The following MAST4 variants were observed in gnomAD, a reference collection of about 807,000 sequenced individuals.
The protein encoded by MAST4 is microtubule-associated serine/threonine-protein kinase 4.
Under a neutral mutation model 162.7 loss-of-function variants are expected in MAST4, and 89 were observed. That is an observed-to-expected ratio of 0.55 (90% CI 0.46 to 0.65). The LOEUF is 0.65. Among genes scored for constraint, MAST4 ranks in the 30% least tolerant of loss-of-function variants. The pLI, the probability that MAST4 is intolerant of heterozygous loss-of-function variation, is 0.00. For synonymous variants in MAST4, 1,479 were observed against 1,361.1 expected (o/e 1.09, Z -1.91); for missense variants, 3,153 against 3,374.0 (o/e 0.93, Z 1.62).
At chr5:67,115,166 A>G (rs1766736593) in intron 12 of MAST4, 1 of 152,108 alleles carries the variant, frequency 6.6e-6, no homozygotes, top group African/African-American at 2.4e-5. Context: ...ATATTGGTAA[A>G]CCACTCCCCC....
At chr5:66,900,631 A>G (rs1762949724) in intron 4 of MAST4, among the ~76,000 whole-genome samples, 1 of 152,138 alleles carries the variant, frequency 6.6e-6, no homozygotes. Flanking sequence ...TTTGTTATCC[A>G]ATAGTACTGT....
At chr5:66,916,929 A>G (rs1050421999) in intron 4 of MAST4, 2 of 715,748 alleles carry the variant, frequency 2.8e-6, no homozygotes, top group South Asian at 1.5e-5. Context: ...CAGTGCTGCA[A>G]TAAACAATTT....
intron 5 of MAST4, among the ~76,000 whole-genome samples, chr5:67,066,509 A>G (rs908591064): frequency 1.3e-5 from 2 of 151,750 alleles, no homozygotes; most frequent in Non-Finnish European, 2.9e-5. Flanking sequence ...TTCTTTTAGC[A>G]TTATGTTTTG....
At chr5:66,844,495 G>A (rs920945185) in intron 3 of MAST4, among the ~76,000 whole-genome samples, 1 of 152,016 alleles carries the variant, frequency 6.6e-6, no homozygotes, top group East Asian at 1.9e-4. Flanking sequence ...GCTCTATGGG[G>A]TCATCATTGG....
At chr5:67,037,581 A>C (rs2150468841) in intron 4 of MAST4, among the ~76,000 whole-genome samples, 1 of 152,358 alleles carries the variant, frequency 6.6e-6, no homozygotes, top group Middle Eastern at 3.4e-3. Flanking sequence ...AAACATTTAA[A>C]AAATATCAGG....
intron 3 of MAST4, among the ~76,000 whole-genome samples, chr5:66,875,893 C>G (rs1184828183): frequency 6.6e-6 from 1 of 152,170 alleles, no homozygotes; most frequent in Non-Finnish European, 1.5e-5. Context: ...TCCCAGGTAG[C>G]TAGGACTACA....
intron 4 of MAST4, among the ~76,000 whole-genome samples, chr5:66,943,648 A>G (rs988077214): frequency 6.6e-6 from 1 of 152,114 alleles, no homozygotes; most frequent in Non-Finnish European, 1.5e-5. Context: ...ATTATTACTA[A>G]TAGTACTTAA....
At chr5:66,788,606 C>CCCCACCAAAAA in intron 2 of MAST4, 64 bp from the exon 3 acceptor site, 1 of 1,356,384 alleles carries the variant, frequency 7.4e-7, no homozygotes, top group African/African-American at 1.5e-5. Flanking sequence ...ACCCCCACCC[C>CCCCACCAAAAA]CATTGCAATA....
chr5:66,747,546 T>A (rs1204401111), intron 1 of MAST4, among the ~76,000 whole-genome samples: 1 of 152,218 alleles, frequency 6.6e-6, no homozygotes, highest in Non-Finnish European at 1.5e-5. Context: ...CAGCAAATTA[T>A]TTGCTTACCA....
At chr5:66,748,321 T>C (rs945677249) in intron 1 of MAST4, among the ~76,000 whole-genome samples, 54 of 151,936 alleles carry the variant, frequency 3.6e-4, no homozygotes, top group African/African-American at 1.2e-3. Context: ...AAGGATGCTA[T>C]GCAATATAGG....
intron 10 of MAST4, among the ~76,000 whole-genome samples, chr5:67,105,013 A>G (rs1765440332): frequency 1.3e-5 from 2 of 152,206 alleles, no homozygotes; most frequent in Admixed American, 1.3e-4. Context: ...TGTGGTGTTG[A>G]GTAGTGAATG....
chr5:66,886,263 T>C (rs1039276342), intron 3 of MAST4, among the ~76,000 whole-genome samples: 34 of 152,352 alleles, frequency 2.2e-4, no homozygotes, highest in Non-Finnish European at 4.6e-4. Flanking sequence ...AGAGGCACAA[T>C]TCTTCAAGAG....
chr5:66,952,868 A>G (rs1744867894), intron 4 of MAST4, among the ~76,000 whole-genome samples: 1 of 152,050 alleles, frequency 6.6e-6, no homozygotes, highest in African/African-American at 2.4e-5. Context: ...CTGTTCCCTG[A>G]CCCACTGCCC....
intron 5 of MAST4, among the ~76,000 whole-genome samples, chr5:67,072,111 T>G (rs1187500258): frequency 6.6e-6 from 1 of 152,228 alleles, no homozygotes; most frequent in African/African-American, 2.4e-5. Flanking sequence ...TGAAAAGCAA[T>G]TATTTCCTTT....
At chr5:66,906,195 G>A (rs1026132181) in intron 4 of MAST4, among the ~76,000 whole-genome samples, 1 of 152,134 alleles carries the variant, frequency 6.6e-6, no homozygotes, top group Non-Finnish European at 1.5e-5. Flanking sequence ...CTGTTTTAAC[G>A]TCAGCTGGTC....
At position 66,884,916 on chromosome 5, in the gene MAST4, C is replaced by T. The variant is rs894612134; in HGVS notation, c.643-15035C>T. The stretch of plus-strand genomic sequence containing the variant: ...GTGAAAGGAAGGGCACAGTTAATAA[C>T]GTCTTCCCCCATATACCTCTGGGCA... On this transcript the variant is annotated intron_variant, in intron 3 of 28. Transcript: ENST00000403625. Among the ~76,000 whole-genome samples, 5 of 152,182 alleles carry T rather than the reference C, an allele frequency of 3.3e-5. No homozygotes were observed. In the South Asian group the frequency reaches 6.2e-4, roughly 19 times the overall value.
At chr5:66,746,533 C>G (rs564674436) in intron 1 of MAST4, among the ~76,000 whole-genome samples, 61 of 152,318 alleles carry the variant, frequency 4.0e-4, no homozygotes, top group Non-Finnish European at 7.3e-4. Context: ...TCTACTTTCT[C>G]TCCCAAAGCT....
At chr5:66,694,667 A>G (rs1749280583) in intron 1 of MAST4, among the ~76,000 whole-genome samples, 2 of 151,874 alleles carry the variant, frequency 1.3e-5, no homozygotes, top group South Asian at 2.1e-4. Context: ...TTGTATTTTT[A>G]GTAGAGATGG....
At chr5:67,116,037 G>A (rs544951684) in intron 12 of MAST4, among the ~76,000 whole-genome samples, 9 of 152,162 alleles carry the variant, frequency 5.9e-5, no homozygotes, top group Non-Finnish European at 1.3e-4. Flanking sequence ...CTGAACTTTG[G>A]TAGGGGAATA....
Sources: allele counts gnomAD v4.1 joint callset (sites outside exome capture counted in the v4.1 genomes callset), GRCh38; gene constraint gnomAD v4.1.1; transcripts MANE v1.5; gene names NCBI Gene and HGNC (gene_info 2026-07-23, HGNC 2026-07-21).